CACHD1: variants seen among roughly 807,000 people sequenced by gnomAD.
The protein encoded by CACHD1 is cache domain containing 1, also known as VWFA and cache domain-containing protein 1.
In CACHD1, 71 loss-of-function variants were observed where a neutral mutation model predicts 138.7. That is an observed-to-expected ratio of 0.51 (90% confidence interval 0.42 to 0.62). The LOEUF is 0.62. Ranked by LOEUF, CACHD1 falls within the 20% of genes least tolerant of loss-of-function variation. CACHD1 has a pLI of 0.00. For missense variants in CACHD1, 1,389 were observed against 1,625.3 expected (o/e 0.85, Z 2.50); for synonymous variants, 578 against 591.5 (o/e 0.98, Z 0.33).
At chr1:64,487,649 C>T (rs1481030713) in intron 1 of CACHD1, among the ~76,000 whole-genome samples, 1 of 152,026 alleles carries the variant, frequency 6.6e-6, no homozygotes, top group Non-Finnish European at 1.5e-5. Flanking sequence ...AAAAATGTAA[C>T]TGATTATCTA....
intron 26 of CACHD1, among the ~76,000 whole-genome samples, chr1:64,685,186 A>G (rs1003680087): frequency 1.4e-4 from 21 of 152,330 alleles, no homozygotes; most frequent in African/African-American, 4.1e-4. Flanking sequence ...ATAAATACCT[A>G]TAGTATTACC....
intron 2 of CACHD1, among the ~76,000 whole-genome samples, chr1:64,573,692 A>G (rs926466598): frequency 6.6e-6 from 1 of 152,208 alleles, no homozygotes; most frequent in Non-Finnish European, 1.5e-5. Flanking sequence ...AGTCTCTTCT[A>G]TGTGCCAGGC....
chr1:64,552,543 C>T (rs958188478), intron 2 of CACHD1, among the ~76,000 whole-genome samples: 2 of 148,810 alleles, frequency 1.3e-5, no homozygotes, highest in African/African-American at 5.0e-5. Context: ...GATCATAGCT[C>T]ACTGCATCCT....
chr1:64,478,585 C>G (rs1314771683), intron 1 of CACHD1, among the ~76,000 whole-genome samples: 1 of 152,176 alleles, frequency 6.6e-6, no homozygotes, highest in Non-Finnish European at 1.5e-5. Context: ...GAGAGTGATA[C>G]AGGACATCCA....
intron 3 of CACHD1, among the ~76,000 whole-genome samples, chr1:64,584,061 T>C (rs948038853): frequency 3.3e-5 from 5 of 152,126 alleles, no homozygotes; most frequent in African/African-American, 1.2e-4. Flanking sequence ...GAGGGTCCAG[T>C]TGGGTTTTAG....
chr1:64,577,119 A>T (rs1244948487), intron 2 of CACHD1, among the ~76,000 whole-genome samples: 3 of 151,730 alleles, frequency 2.0e-5, no homozygotes, highest in African/African-American at 7.3e-5. Context: ...AATTTTTTGT[A>T]TTTTTTGGAA....
At chr1:64,531,144 T>C (rs1175521334) in intron 1 of CACHD1, among the ~76,000 whole-genome samples, 1 of 152,180 alleles carries the variant, frequency 6.6e-6, no homozygotes, top group African/African-American at 2.4e-5. Context: ...TTGAAATTAA[T>C]GTATTGTGGA....
chr1:64,649,889 GT>G (rs1649032391), intron 9 of CACHD1, among the ~76,000 whole-genome samples: 1 of 152,144 alleles, frequency 6.6e-6, no homozygotes, highest in Non-Finnish European at 1.5e-5. Context: ...CTACTAGAGT[GT>G]GTCTGTCTTT....
At position 64,470,878 on chromosome 1, in the gene CACHD1, C is replaced by T. The variant is rs749541362; in HGVS notation, c.134C>T (p.Ala45Val). 1.2e-5 allele frequency: 20 copies of T among 1,607,320 alleles called. No individual in the cohort carries two copies. Among genetic ancestry groups the T allele is most frequent in the Non-Finnish European group, 1.7e-5 (20 of 1,178,658 alleles). ...GCCGACTTCTCCATCCTGGACGAGG[C>T]GCAAGTGCTGGCGAGCCAGATGCGG... ...AEADFSILDE[A>V]QVLASQMRRL... is the part of the protein sequence containing the mutation. Residue 45 changes from alanine to valine, a missense_variant, in exon 1 of 27, where the codon GCG becomes GTG. By Grantham distance (64) the Ala-to-Val change is moderately conservative. Transcript: ENST00000651257. This position sits in a 1 kb window ranked among gnomAD's most constrained non-coding sequence, Gnocchi z 5.2.
intron 5 of CACHD1, 126 bp from the exon 6 acceptor site, chr1:64,632,473 C>T: frequency 1.1e-6 from 1 of 929,514 alleles, no homozygotes; most frequent in East Asian, 2.4e-5. Context: ...ATTTCTCCAT[C>T]CTTGTGCCAT....
intron 1 of CACHD1, among the ~76,000 whole-genome samples, chr1:64,535,623 C>G (rs976887942): frequency 1.3e-5 from 2 of 152,124 alleles, no homozygotes; most frequent in African/African-American, 4.8e-5. Context: ...CCACAGCCAG[C>G]TCTGGGAATT....
chr1:64,681,410 C>T, intron 25 of CACHD1, 75 bp downstream of exon 25: 1 of 1,194,574 alleles, frequency 8.4e-7, no homozygotes, highest in Non-Finnish European at 1.2e-6. Flanking sequence ...TTCTTATATC[C>T]TTTTGGCTTG....
At chr1:64,486,290 C>T (rs971434433) in intron 1 of CACHD1, among the ~76,000 whole-genome samples, 1 of 151,740 alleles carries the variant, frequency 6.6e-6, no homozygotes, top group Non-Finnish European at 1.5e-5. Flanking sequence ...GGTTTTATAA[C>T]ATTTCCATAA....
At chr1:64,684,766 T>G (rs1174325004) in intron 26 of CACHD1, among the ~76,000 whole-genome samples, 1 of 152,136 alleles carries the variant, frequency 6.6e-6, no homozygotes, top group Non-Finnish European at 1.5e-5. Context: ...CAAGCTCCAT[T>G]TATGGTAAGT....
intron 1 of CACHD1, among the ~76,000 whole-genome samples, chr1:64,541,896 A>G (rs765967329): frequency 1.3e-5 from 2 of 152,182 alleles, no homozygotes; most frequent in Non-Finnish European, 2.9e-5. Context: ...CATACCTCCA[A>G]CTATCATAGA....
intron 1 of CACHD1, among the ~76,000 whole-genome samples, chr1:64,536,024 AC>A (rs1415667456): frequency 6.6e-6 from 1 of 152,208 alleles, no homozygotes; most frequent in Non-Finnish European, 1.5e-5. Context: ...CAAAGCTGTG[AC>A]CATAAGGTTG....
chr1:64,535,811 C>T (rs1445356718), intron 1 of CACHD1, among the ~76,000 whole-genome samples: 1 of 152,170 alleles, frequency 6.6e-6, no homozygotes, highest in African/African-American at 2.4e-5. Context: ...CCCCTGGCTT[C>T]CTCTGGGCCT....
At chr1:64,543,212 A>G (rs1415711958) in intron 1 of CACHD1, among the ~76,000 whole-genome samples, 2 of 151,270 alleles carry the variant, frequency 1.3e-5, no homozygotes, top group Non-Finnish European at 2.9e-5. Context: ...CTCTTGGCAA[A>G]CTATTTTCTT....
chr1:64,551,979 A>T (rs537614888), intron 2 of CACHD1, among the ~76,000 whole-genome samples: 1 of 152,178 alleles, frequency 6.6e-6, no homozygotes, highest in African/African-American at 2.4e-5. Context: ...AATTTAAGAG[A>T]TTTTTTGTGG....
Sources: allele counts gnomAD v4.1 joint callset (sites outside exome capture counted in the v4.1 genomes callset), GRCh38; gene constraint gnomAD v4.1.1; non-coding constraint Gnocchi (gnomAD v3.1); transcripts MANE v1.5; gene names NCBI Gene and HGNC (gene_info 2026-07-23, HGNC 2026-07-21).